DCTN5: variants seen among roughly 807,000 people sequenced by gnomAD.
The protein encoded by DCTN5 is dynactin 4.
Under a neutral mutation model 23.5 loss-of-function variants are expected in DCTN5, and 14 were observed. The observed-to-expected ratio is 0.60, with a 90% CI of 0.39 to 0.93. The LOEUF is 0.93. Ranked by LOEUF, DCTN5 falls within the 40% of genes least tolerant of loss-of-function variation. The probability of loss-of-function intolerance (pLI) is 0.00; values close to 1 mark genes in which losing one functional copy is unlikely to be tolerated. For synonymous variants in DCTN5, 67 were observed against 79.6 expected (o/e 0.84, Z 0.84); for missense variants, 156 against 225.9 (o/e 0.69, Z 1.98).
rs868411486 is a variant in DCTN5 at position 23,647,830 on chromosome 16, T to G, written c.117+4807T>G. ...GCTACCTTTTGCTTTTTAAAGATGT[T>G]TAATTTGGCAATATTTTGGGTATAC... On this transcript the variant is annotated intron_variant, in intron 2 of 5. Transcript: ENST00000300087. Among the ~76,000 whole-genome samples, 34 of 152,248 alleles carry G rather than the reference T, an allele frequency of 2.2e-4. 1 individual carries two copies. In the Middle Eastern group the frequency reaches 0.017, roughly 76 times the overall value.
intron 2 of DCTN5, among the ~76,000 whole-genome samples, chr16:23,656,320 A>G (rs1344717830): frequency 6.6e-6 from 1 of 152,240 alleles, no homozygotes. Context: ...CGCTCAGTCC[A>G]TATTCAGTCT....
At chr16:23,646,003 G>A (rs566715053) in intron 2 of DCTN5, among the ~76,000 whole-genome samples, 2 of 152,252 alleles carry the variant, frequency 1.3e-5, no homozygotes, top group Admixed American at 6.5e-5. Flanking sequence ...TTGGGAAACT[G>A]ACAAATTTTT....
At position 23,668,467 on chromosome 16, in the gene DCTN5, T is replaced by G. The variant is rs769717735; in HGVS notation, c.*1323T>G. The G allele has an allele frequency of 2.0e-5, 3 of 152,338 alleles. No individual in the cohort carries two copies. Among genetic ancestry groups the G allele is most frequent in the Admixed American group, 6.5e-5 (1 of 15,306 alleles). 9.4% of individuals were successfully genotyped at this position (152,338 alleles called of 1,614,324 possible). A position where few individuals can be genotyped will look rare whatever the true frequency, so the allele number is the denominator to read the frequency against. ...AGTTTATTTCTCTCTCCCATAACAGTGCAGTGATAGTCAGCTGGTCCAGGC... is the reference window on the plus strand; with the variant it reads ...AGTTTATTTCTCTCTCCCATAACAGGGCAGTGATAGTCAGCTGGTCCAGGC... On this transcript the variant is annotated 3_prime_UTR_variant, in exon 6 of 6. Transcript: ENST00000300087.
At chr16:23,660,303 T>A (rs1418919200) in intron 3 of DCTN5, among the ~76,000 whole-genome samples, 2 of 152,240 alleles carry the variant, frequency 1.3e-5, no homozygotes, top group African/African-American at 2.4e-5. Flanking sequence ...TATACTGCCC[T>A]TCTCTCTGCA....
chr16:23,666,267 C>T (rs1467993603), intron 5 of DCTN5, among the ~76,000 whole-genome samples: 1 of 152,152 alleles, frequency 6.6e-6, no homozygotes, highest in Non-Finnish European at 1.5e-5. Flanking sequence ...TTAATTTGTA[C>T]ATTCCACATG....
At position 23,674,309 on chromosome 16, in the gene DCTN5, C is replaced by T. The variant is rs1156843633; in HGVS notation, c.*7165C>T. 1 of 152,202 alleles carries T rather than the reference C, an allele frequency of 6.6e-6. No homozygotes were observed. The highest frequency in any genetic ancestry group is 1.5e-5 in the Non-Finnish European group (1 of 68,036). The allele number at this position is 152,202 out of a possible 1,614,324, so 9.4% of individuals were successfully genotyped here. On this transcript the variant is annotated 3_prime_UTR_variant, in exon 6 of 6. Coordinates refer to ENST00000300087, the MANE Select transcript of DCTN5 (RefSeq NM_032486.4). The stretch of plus-strand genomic sequence containing the variant: ...GAAAAGGGCTTATTCTCTAATGGGA[C>T]CATCTAAGATCAAGCTGCTGATAGG...
intron 2 of DCTN5, among the ~76,000 whole-genome samples, chr16:23,655,810 A>G (rs1967694378): frequency 6.6e-6 from 1 of 152,082 alleles, no homozygotes; most frequent in Admixed American, 6.6e-5. Context: ...CTCCCAAAGT[A>G]CTAGAATTAC....
rs1221506296 is a variant in DCTN5, at chr16:23,658,534, C to CG, written c.146dup (p.Gly50ArgfsTer18). 1 of 1,613,810 alleles carries CG rather than the reference C, an allele frequency of 6.2e-7. No homozygotes were observed. Among genetic ancestry groups the CG allele is most frequent in the African/African-American group, 1.3e-5 (1 of 74,842 alleles). On this transcript the variant is annotated frameshift_variant, in exon 3 of 6. Transcript: ENST00000300087. LOFTEE classifies it high-confidence loss of function. ...CATTGTGATGAATGACTGTATTATC[C>CG]GAGGGGATCTGGCAAATGTAAGAGT...
chr16:23,666,665 T>TA, intron 5 of DCTN5: 1 of 322,490 alleles, frequency 3.1e-6, no homozygotes, highest in African/African-American at 2.1e-5. Flanking sequence ...CAGTATATGA[T>TA]ACCTACCACT....
chr16:23,665,961 G>C (rs903605602), intron 5 of DCTN5: 2 of 526,416 alleles, frequency 3.8e-6, no homozygotes, highest in African/African-American at 3.8e-5. Flanking sequence ...CAAACACAAA[G>C]AGGAAACTAA....
At chr16:23,660,505 C>T (rs1967789898) in intron 3 of DCTN5, among the ~76,000 whole-genome samples, 1 of 152,194 alleles carries the variant, frequency 6.6e-6, no homozygotes, top group Non-Finnish European at 1.5e-5. Context: ...GACTCCTACT[C>T]AAAGTCAATT....
intron 2 of DCTN5, among the ~76,000 whole-genome samples, chr16:23,654,423 A>G (rs2140980036): frequency 6.6e-6 from 1 of 152,228 alleles, no homozygotes; most frequent in South Asian, 2.1e-4. Flanking sequence ...ATGGACACAT[A>G]GAGGGGAACA....
chr16:23,645,138 T>TATATATATATA (rs1250036929), intron 2 of DCTN5, among the ~76,000 whole-genome samples: 1 of 35,144 alleles, frequency 2.8e-5, no homozygotes. Flanking sequence ...TATATATATA[T>TATATATATATA]TTTTTTTTTT....
intron 2 of DCTN5, among the ~76,000 whole-genome samples, chr16:23,646,991 T>G (rs577635296): frequency 6.6e-5 from 10 of 152,332 alleles, no homozygotes; most frequent in African/African-American, 2.2e-4. Flanking sequence ...TGTTGAATGG[T>G]CTTGGCACTC....
At chr16:23,647,321 G>T (rs562437962) in intron 2 of DCTN5, among the ~76,000 whole-genome samples, 2 of 152,092 alleles carry the variant, frequency 1.3e-5, no homozygotes, top group South Asian at 2.1e-4. Flanking sequence ...TTTTGGTCAG[G>T]CTGGTCTCGA....
At chr16:23,661,599 T>C (rs1192328822) in intron 4 of DCTN5, among the ~76,000 whole-genome samples, 2 of 152,082 alleles carry the variant, frequency 1.3e-5, no homozygotes, top group Non-Finnish European at 2.9e-5. Context: ...ATGCCTGTAG[T>C]CCCAGCTACT....
chr16:23,664,770 C>T (rs1000403894), intron 4 of DCTN5, among the ~76,000 whole-genome samples: 2 of 152,216 alleles, frequency 1.3e-5, no homozygotes, highest in Non-Finnish European at 2.9e-5. Context: ...CTATCACTCA[C>T]CAGTGGGAGA....
intron 2 of DCTN5, among the ~76,000 whole-genome samples, chr16:23,650,013 A>T (rs1967565892): frequency 6.6e-6 from 1 of 151,862 alleles, no homozygotes; most frequent in Non-Finnish European, 1.5e-5. Flanking sequence ...CTGGCTATAG[A>T]TATGTGGATT....
rs1166736167 is a variant in DCTN5 at position 23,671,979 on chromosome 16, GAAC to G, written c.*4837_*4839del. 6.6e-6 allele frequency: 1 copy of G among 152,204 alleles called. No homozygotes were observed. The highest frequency in any genetic ancestry group is 2.4e-5 in the African/African-American group (1 of 41,442). 9.4% of individuals were successfully genotyped at this position (152,204 alleles called of 1,614,324 possible). On this transcript the variant is annotated 3_prime_UTR_variant, in exon 6 of 6. Transcript: ENST00000300087. ...ACTCTGGCTTTCATACCATGGGTCT[GAAC>G]ATTAGCCCATGGTGTTTCTTGGCCA...
Sources: allele counts gnomAD v4.1 joint callset (sites outside exome capture counted in the v4.1 genomes callset), GRCh38; gene constraint gnomAD v4.1.1; transcripts MANE v1.5; gene names NCBI Gene and HGNC (gene_info 2026-07-23, HGNC 2026-07-21).